Variants in ABCB7 observed in about 807,000 individuals in gnomAD.
ABCB7 encodes the protein iron-sulfur clusters transporter ABCB7, mitochondrial.
ABCB7 carries 7 observed loss-of-function variants against 54.4 expected under a neutral mutation model. That is an observed-to-expected ratio of 0.13 (90% CI 0.07 to 0.24). The LOEUF is 0.24. Ranked by LOEUF, ABCB7 falls within the 10% of genes least tolerant of loss-of-function variation. The pLI is 1.00. For missense variants in ABCB7, 356 were observed against 570.4 expected, an observed-to-expected ratio of 0.62 and a Z score of 3.83; for synonymous variants, 218 against 207.1, an observed-to-expected ratio of 1.05 and a Z score of -0.45.
rs1026426050 is a variant in ABCB7 at position 75,129,330 on chromosome X, G to C, written c.169-14499C>G. Among the ~76,000 whole-genome samples, 14 of 110,678 alleles carry C rather than the reference G, an allele frequency of 1.3e-4. No individual in the cohort carries two copies. In the East Asian group the frequency reaches 1.7e-3, roughly 13 times the overall value. ...ATGAAGCTGGAAACCATCATTCTCAGCAAACTAACACAGGAACAGAAAACC... is the reference window on the plus strand; with the variant it reads ...ATGAAGCTGGAAACCATCATTCTCACCAAACTAACACAGGAACAGAAAACC... On this transcript the variant is annotated intron_variant, in intron 1 of 15. Transcript: ENST00000373394.
chrX:75,150,998 AG>A (rs1203195099), intron 1 of ABCB7, among the ~76,000 whole-genome samples: 4 of 111,185 alleles, frequency 3.6e-5, no homozygotes, highest in Non-Finnish European at 7.5e-5. Flanking sequence ...TGTATTAATC[AG>A]GGATTACTGA....
Position 75,051,891 on chromosome X carries a change from C to T in ABCB7, c.*1479G>A, listed in dbSNP as rs1430355936. The T allele has an allele frequency of 1.8e-5, 2 of 112,391 alleles. No individual in the cohort carries two copies. The highest frequency in any genetic ancestry group is 3.2e-5 in the African/African-American group (1 of 30,939). The allele number at this position is 112,391 out of a possible 1,213,427, so 9.3% of individuals were successfully genotyped here. On this transcript the variant is annotated 3_prime_UTR_variant, in exon 16 of 16. Transcript: ENST00000373394. Reference sequence around the variant, plus strand: ...CTTTGTAAACTTCGAATAGAAAAAGCAGCACATTTAAGATGGAAATATAAA... The same window carrying T: ...CTTTGTAAACTTCGAATAGAAAAAGTAGCACATTTAAGATGGAAATATAAA...
intron 15 of ABCB7, among the ~76,000 whole-genome samples, chrX:75,056,307 C>A (rs2081239470): frequency 8.9e-6 from 1 of 111,787 alleles, no homozygotes; most frequent in African/African-American, 3.3e-5. Flanking sequence ...TTTGTAATTC[C>A]TTTTACATTT....
At chrX:75,106,075 G>A (rs1197274833) in intron 3 of ABCB7, among the ~76,000 whole-genome samples, 1 of 111,551 alleles carries the variant, frequency 9.0e-6, no homozygotes, top group African/African-American at 3.3e-5. Flanking sequence ...GACTAAGACT[G>A]CAAAAGCACA....
intron 1 of ABCB7, among the ~76,000 whole-genome samples, chrX:75,130,234 A>G (rs747677093): frequency 8.9e-6 from 1 of 111,978 alleles, no homozygotes; most frequent in Non-Finnish European, 1.9e-5. Context: ...TCTGATTTTA[A>G]AAATACAGGA....
intron 4 of ABCB7, among the ~76,000 whole-genome samples, chrX:75,098,650 C>T (rs777695085): frequency 4.2e-4 from 47 of 111,365 alleles, no homozygotes; most frequent in East Asian, 5.7e-4. Flanking sequence ...AAAGAGGCTC[C>T]GAAAAGCTTC....
intron 15 of ABCB7, among the ~76,000 whole-genome samples, chrX:75,058,721 T>C (rs2081260599): frequency 9.0e-6 from 1 of 111,576 alleles, no homozygotes; most frequent in Non-Finnish European, 1.9e-5. Context: ...AATAAGTGTA[T>C]AGATACTGTG....
chrX:75,117,617 T>A (rs188232071), intron 1 of ABCB7, among the ~76,000 whole-genome samples: 107 of 111,352 alleles, frequency 9.6e-4, no homozygotes, highest in African/African-American at 3.4e-3. Flanking sequence ...TTTGGCACTA[T>A]GGGATGTTAA....
chrX:75,114,941 G>T, intron 1 of ABCB7, 110 bp from the exon 2 acceptor site: 1 of 656,262 alleles, frequency 1.5e-6, no homozygotes, highest in Non-Finnish European at 2.3e-6. Flanking sequence ...TAGCCATATT[G>T]GAGAGATGAT....
rs1468361578 is a variant in ABCB7, at chrX:75,052,663, C to T, written c.*707G>A. 9.2e-6 allele frequency: 1 copy of T among 108,136 alleles called. No homozygotes were observed. Among genetic ancestry groups the T allele is most frequent in the African/African-American group, 3.4e-5 (1 of 29,646 alleles). The allele number at this position is 108,136 out of a possible 1,213,427, so 8.9% of individuals were successfully genotyped here. A position where few individuals can be genotyped will look rare whatever the true frequency, so the allele number is the denominator to read the frequency against. On this transcript the variant is annotated 3_prime_UTR_variant, in exon 16 of 16. Transcript: ENST00000373394. Reference sequence around the variant, plus strand: ...GTGTGGTGTCATGCGCCTGTAATTCCAGCTACTTGGGAGGCCAAGGCATGA... The same window carrying T: ...GTGTGGTGTCATGCGCCTGTAATTCTAGCTACTTGGGAGGCCAAGGCATGA...
intron 1 of ABCB7, among the ~76,000 whole-genome samples, chrX:75,155,823 C>A (rs1320978033): frequency 9.0e-6 from 1 of 111,118 alleles, no homozygotes; most frequent in African/African-American, 3.3e-5. Flanking sequence ...GTGTCTACCC[C>A]AACTCTTAAT....
chrX:75,099,624 A>G (rs953043680), intron 3 of ABCB7, among the ~76,000 whole-genome samples: 23 of 110,969 alleles, frequency 2.1e-4, no homozygotes, highest in African/African-American at 6.2e-4. Context: ...TCTGATCTAA[A>G]TCCATCTCAC....
chrX:75,109,683 A>T (rs1203329248), intron 3 of ABCB7, among the ~76,000 whole-genome samples: 1 of 110,609 alleles, frequency 9.0e-6, no homozygotes, highest in Non-Finnish European at 1.9e-5. Context: ...TAAAAAACAT[A>T]AAAAAAAATT....
intron 1 of ABCB7, among the ~76,000 whole-genome samples, chrX:75,117,358 G>A (rs765093146): frequency 3.6e-5 from 4 of 110,974 alleles, no homozygotes; most frequent in Middle Eastern, 4.6e-3. Context: ...AATCACCTGC[G>A]CACACCAATT....
At chrX:75,124,071 T>A (rs949210043) in intron 1 of ABCB7, among the ~76,000 whole-genome samples, 1 of 112,279 alleles carries the variant, frequency 8.9e-6, no homozygotes, top group African/African-American at 3.2e-5. Flanking sequence ...ATAGGTGGCA[T>A]GCTGGATTTG....
At chrX:75,149,340 A>G (rs2082115474) in intron 1 of ABCB7, among the ~76,000 whole-genome samples, 1 of 112,020 alleles carries the variant, frequency 8.9e-6, no homozygotes, top group African/African-American at 3.2e-5. Flanking sequence ...TAACTCAAAA[A>G]TTTTAGGATA....
In ABCB7 at chrX:75,053,272, A is replaced by T; in HGVS notation, c.*98T>A. ...ATAAATCTTATCTAAAAGAAGGATT[A>T]TAGAAAATGGGAATGTATGATTTTT... On this transcript the variant is annotated 3_prime_UTR_variant, in exon 16 of 16. Transcript: ENST00000373394. 1 of 1,045,913 alleles carries T rather than the reference A, an allele frequency of 9.6e-7. No homozygotes were observed. 86.2% of individuals were successfully genotyped at this position (1,045,913 alleles called of 1,213,427 possible). A position where few individuals can be genotyped will look rare whatever the true frequency, so the allele number is the denominator to read the frequency against.
chrX:75,118,362 G>A (rs772293315), intron 1 of ABCB7, among the ~76,000 whole-genome samples: 3 of 109,773 alleles, frequency 2.7e-5, no homozygotes, highest in Non-Finnish European at 5.7e-5. Flanking sequence ...AGAAATATCA[G>A]CCGGCTAAAG....
At chrX:75,126,524 A>T (rs1191104268) in intron 1 of ABCB7, among the ~76,000 whole-genome samples, 1 of 110,950 alleles carries the variant, frequency 9.0e-6, no homozygotes, top group Non-Finnish European at 1.9e-5. Context: ...CAAATTCAAA[A>T]GCTAGCAGAA....
Sources: allele counts gnomAD v4.1 joint callset (sites outside exome capture counted in the v4.1 genomes callset), GRCh38; gene constraint gnomAD v4.1.1; transcripts MANE v1.5; gene names NCBI Gene and HGNC (gene_info 2026-07-23, HGNC 2026-07-21).